Variants in FSTL5 observed in about 807,000 individuals in gnomAD.
FSTL5 encodes follistatin-related protein 5.
FSTL5 carries 62 observed loss-of-function variants against 89.1 expected under a neutral mutation model. That is an observed-to-expected ratio of 0.70 (90% confidence interval 0.57 to 0.86). FSTL5 has a LOEUF of 0.86. Ranked by LOEUF, FSTL5 falls within the 40% of genes least tolerant of loss-of-function variation. FSTL5 has a pLI of 0.00. For synonymous variants in FSTL5, 383 were observed against 346.2 expected (o/e 1.11, Z -1.18); for missense variants, 1,057 against 1,001.6 (o/e 1.06, Z -0.75).
At chr4:161,734,648 A>G (rs572777207) in intron 6 of FSTL5, among the ~76,000 whole-genome samples, 2 of 152,336 alleles carry the variant, frequency 1.3e-5, no homozygotes, top group South Asian at 4.1e-4. Flanking sequence ...GATTCTTTGA[A>G]ACTAAATGGG....
chr4:162,072,812 A>C (rs1182932892), intron 2 of FSTL5, among the ~76,000 whole-genome samples: 1 of 151,798 alleles, frequency 6.6e-6, no homozygotes, highest in Non-Finnish European at 1.5e-5. Context: ...TTGACATATA[A>C]ATCGGTAGAC....
chr4:161,506,327 C>CG (rs1391821203), intron 11 of FSTL5, among the ~76,000 whole-genome samples: 1 of 81,732 alleles, frequency 1.2e-5, no homozygotes, highest in Admixed American at 1.2e-4. Context: ...CCCTCTTCGG[C>CG]CCCCCAAATT....
chr4:161,518,345 G>A (rs1009406768), intron 10 of FSTL5, among the ~76,000 whole-genome samples: 1 of 152,196 alleles, frequency 6.6e-6, no homozygotes, highest in African/African-American at 2.4e-5. Flanking sequence ...AGAGATCAGA[G>A]AGAACAGGAG....
At chr4:161,601,409 G>C (rs1734232179) in intron 7 of FSTL5, among the ~76,000 whole-genome samples, 2 of 141,508 alleles carry the variant, frequency 1.4e-5, no homozygotes, top group South Asian at 4.6e-4. Flanking sequence ...TTTTAAAAAA[G>C]AGAAAGACCC....
Position 161,797,907 on chromosome 4 carries a change from G to A in FSTL5, c.410-21833C>T, listed in dbSNP as rs62329171. 2.0e-5 allele frequency among the ~76,000 whole-genome samples: 3 copies of A among 151,704 alleles called. 1 individual carries two copies. Among genetic ancestry groups the A allele is most frequent in the South Asian group, 4.1e-4 (2 of 4,824 alleles). ...TTGAATTTCATTTTGACCCATGAATGTTATGTCCATCACATCTTATCAGTT... is the reference window on the plus strand; with the variant it reads ...TTGAATTTCATTTTGACCCATGAATATTATGTCCATCACATCTTATCAGTT... On this transcript the variant is annotated intron_variant, in intron 4 of 15. Coordinates refer to ENST00000306100, the MANE Select transcript of FSTL5 (RefSeq NM_020116.5).
intron 7 of FSTL5, among the ~76,000 whole-genome samples, chr4:161,642,860 T>TA (rs1467527134): frequency 1.3e-5 from 2 of 152,168 alleles, no homozygotes; most frequent in Non-Finnish European, 1.5e-5. Context: ...TGGAAAGAAT[T>TA]ACGGAGATGA....
chr4:161,682,008 T>TACAA (rs1737542367), intron 6 of FSTL5, among the ~76,000 whole-genome samples: 1 of 152,184 alleles, frequency 6.6e-6, no homozygotes. Flanking sequence ...GCTACTAAGC[T>TACAA]ACAAACCTGT....
chr4:161,540,831 G>A (rs1731793625), intron 9 of FSTL5, among the ~76,000 whole-genome samples: 2 of 152,000 alleles, frequency 1.3e-5, no homozygotes, highest in Non-Finnish European at 2.9e-5. Flanking sequence ...CTCATCACCT[G>A]AAGTAAACAC....
At chr4:161,737,279 A>C (rs1739851522) in intron 6 of FSTL5, among the ~76,000 whole-genome samples, 1 of 152,032 alleles carries the variant, frequency 6.6e-6, no homozygotes, top group African/African-American at 2.4e-5. Context: ...GAAAATGGAG[A>C]GGAAAGGGAA....
intron 15 of FSTL5, among the ~76,000 whole-genome samples, chr4:161,445,293 A>T (rs150567857): frequency 1.3e-3 from 196 of 151,994 alleles, no homozygotes; most frequent in African/African-American, 4.4e-3. Context: ...TATCTAGTTC[A>T]CTTTTCTTTA....
At chr4:161,599,767 G>T (rs538374522) in intron 7 of FSTL5, among the ~76,000 whole-genome samples, 349 of 151,992 alleles carry the variant, frequency 2.3e-3, no homozygotes, top group Non-Finnish European at 4.2e-3. Flanking sequence ...ATTAAGATTT[G>T]CTATAATTTC....
chr4:162,068,342 C>CA (rs1349194752), intron 2 of FSTL5, among the ~76,000 whole-genome samples: 1 of 151,970 alleles, frequency 6.6e-6, no homozygotes. Context: ...GGTACTGGTA[C>CA]AAAAACAGAC....
chr4:161,966,089 T>C (rs145078750), intron 3 of FSTL5, among the ~76,000 whole-genome samples: 3 of 152,116 alleles, frequency 2.0e-5, no homozygotes, highest in Non-Finnish European at 2.9e-5. Flanking sequence ...CAAAGACAAC[T>C]TGGCTGCAAT....
intron 8 of FSTL5, among the ~76,000 whole-genome samples, chr4:161,575,629 T>C (rs2126592179): frequency 6.6e-6 from 1 of 152,098 alleles, no homozygotes; most frequent in African/African-American, 2.4e-5. Context: ...AATTTTTGTA[T>C]TTTTAGTAGA....
At chr4:161,820,878 A>C (rs1730469426) in intron 4 of FSTL5, among the ~76,000 whole-genome samples, 1 of 152,018 alleles carries the variant, frequency 6.6e-6, no homozygotes. Context: ...TGTTTGTTAC[A>C]ACACTTAGTA....
intron 4 of FSTL5, among the ~76,000 whole-genome samples, chr4:161,882,438 T>C (rs1035496089): frequency 2.0e-5 from 3 of 152,174 alleles, no homozygotes; most frequent in East Asian, 1.9e-4. Flanking sequence ...ACTTGGAAAA[T>C]TGAAACATTC....
chr4:161,937,365 A>C (rs921002054), intron 3 of FSTL5, among the ~76,000 whole-genome samples: 2 of 152,188 alleles, frequency 1.3e-5, no homozygotes, highest in Non-Finnish European at 2.9e-5. Flanking sequence ...GGACATAATT[A>C]ATAAAATTAT....
chr4:161,432,241 T>C (rs1416753340), intron 15 of FSTL5, among the ~76,000 whole-genome samples: 2 of 152,084 alleles, frequency 1.3e-5, no homozygotes, highest in East Asian at 1.9e-4. Context: ...AAAAAACTGA[T>C]ATAATATCAA....
chr4:161,937,273 AAAC>A (rs1734458883), intron 3 of FSTL5, among the ~76,000 whole-genome samples: 1 of 152,146 alleles, frequency 6.6e-6, no homozygotes, highest in African/African-American at 2.4e-5. Flanking sequence ...AAAAAATGTA[AAAC>A]AACATAGACA....
Sources: allele counts gnomAD v4.1 joint callset (sites outside exome capture counted in the v4.1 genomes callset), GRCh38; gene constraint gnomAD v4.1.1; transcripts MANE v1.5; gene names NCBI Gene and HGNC (gene_info 2026-07-23, HGNC 2026-07-21).